Variants in PCED1B observed in about 807,000 individuals in gnomAD.
PCED1B encodes PC-esterase domain containing 1B.
For missense variants in PCED1B, 573 were observed against 573.9 expected, an observed-to-expected ratio of 1.00 and a Z score of 0.02; for synonymous variants, 251 against 246.1, an observed-to-expected ratio of 1.02 and a Z score of -0.19.
At chr12:47,143,868 A>T (rs894685854) in intron 2 of PCED1B, among the ~76,000 whole-genome samples, 1 of 152,222 alleles carries the variant, frequency 6.6e-6, no homozygotes, top group African/African-American at 2.4e-5. Flanking sequence ...AGACACATAG[A>T]TAAACAAAAC....
chr12:47,178,457 G>A (rs1941993628), intron 2 of PCED1B, among the ~76,000 whole-genome samples: 1 of 152,150 alleles, frequency 6.6e-6, no homozygotes, highest in African/African-American at 2.4e-5. Context: ...AAATTTCATG[G>A]GCTGGTGAGG....
intron 2 of PCED1B, chr12:47,187,953 G>A (rs954218931): frequency 6.5e-6 from 1 of 154,152 alleles, no homozygotes; most frequent in Admixed American, 6.5e-5. Context: ...TCCAAGAACA[G>A]GATTGTAATT....
At chr12:47,115,654 T>G (rs950212417) in intron 2 of PCED1B, among the ~76,000 whole-genome samples, 1 of 152,222 alleles carries the variant, frequency 6.6e-6, no homozygotes, top group African/African-American at 2.4e-5. Context: ...AAAGGTGATA[T>G]GTAGTCTCCT....
chr12:47,113,332 T>C (rs1387239995), intron 2 of PCED1B, among the ~76,000 whole-genome samples: 2 of 152,198 alleles, frequency 1.3e-5, no homozygotes, highest in African/African-American at 2.4e-5. Context: ...CTTGAACATA[T>C]ACTATGTATC....
intron 3 of PCED1B, among the ~76,000 whole-genome samples, chr12:47,224,654 A>G (rs1382628340): frequency 1.3e-5 from 2 of 152,182 alleles, no homozygotes; most frequent in African/African-American, 4.8e-5. Flanking sequence ...AGATGTGTTT[A>G]AAGACTACCT....
intron 3 of PCED1B, among the ~76,000 whole-genome samples, chr12:47,227,405 C>T (rs936924988): frequency 6.6e-6 from 1 of 151,860 alleles, no homozygotes; most frequent in Admixed American, 6.6e-5. Flanking sequence ...ACTCCTGACC[C>T]CAGGTGATCC....
intron 2 of PCED1B, among the ~76,000 whole-genome samples, chr12:47,201,076 C>T (rs768125843): frequency 5.3e-5 from 8 of 152,156 alleles, no homozygotes; most frequent in South Asian, 2.1e-4. Context: ...AGACGGCTAA[C>T]GCTCCAAATT....
At chr12:47,135,881 G>A (rs1940341579) in intron 2 of PCED1B, 1 of 364,352 alleles carries the variant, frequency 2.7e-6, no homozygotes, top group Admixed American at 2.8e-5. Context: ...GAGTGAAGAG[G>A]GTTTGGACAG....
intron 1 of PCED1B, among the ~76,000 whole-genome samples, chr12:47,103,788 A>G (rs371627296): frequency 3.8e-4 from 58 of 152,304 alleles, no homozygotes; most frequent in African/African-American, 1.3e-3. Context: ...TCAAAGCCGT[A>G]AGACATCAGG....
At chr12:47,124,027 G>A (rs1939785859) in intron 2 of PCED1B, among the ~76,000 whole-genome samples, 1 of 151,972 alleles carries the variant, frequency 6.6e-6, no homozygotes, top group Non-Finnish European at 1.5e-5. Flanking sequence ...CTTCATTGAT[G>A]TATAATTGAC....
intron 2 of PCED1B, chr12:47,135,440 A>G: frequency 3.1e-6 from 1 of 321,358 alleles, no homozygotes; most frequent in Non-Finnish European, 6.3e-6. Context: ...AGTGCATGGG[A>G]GACAGGTTGT....
In PCED1B at chr12:47,090,988, T is replaced by G. The variant is rs542400253; in HGVS notation, c.-609+11263T>G. On this transcript the variant is annotated intron_variant, in intron 1 of 3. Coordinates refer to ENST00000546455, the MANE Select transcript of PCED1B (RefSeq NM_138371.3). Reference sequence around the variant, plus strand: ...AAGTACTGTTGCCATGAACATTCTGTTCCCCCAAATTCCCCCCGATTCTAA... The same window carrying G: ...AAGTACTGTTGCCATGAACATTCTGGTCCCCCAAATTCCCCCCGATTCTAA... Among the ~76,000 whole-genome samples, 7 of 152,200 alleles carry G rather than the reference T, an allele frequency of 4.6e-5. No homozygotes were observed. In the East Asian group the frequency reaches 9.7e-4, roughly 21 times the overall value.
intron 1 of PCED1B, among the ~76,000 whole-genome samples, chr12:47,102,129 C>A (rs1042052854): frequency 6.6e-6 from 1 of 152,182 alleles, no homozygotes; most frequent in South Asian, 2.1e-4. Flanking sequence ...TCATCAACTA[C>A]CTGTTCATTA....
intron 2 of PCED1B, among the ~76,000 whole-genome samples, chr12:47,115,924 T>A (rs953814316): frequency 1.3e-5 from 2 of 152,234 alleles, no homozygotes; most frequent in Non-Finnish European, 2.9e-5. Flanking sequence ...AAGGGCACTT[T>A]AGCTTTTACT....
intron 2 of PCED1B, among the ~76,000 whole-genome samples, chr12:47,207,609 C>G (rs540498141): frequency 6.6e-6 from 1 of 152,332 alleles, no homozygotes; most frequent in East Asian, 1.9e-4. Context: ...CCCTTCCTTC[C>G]TCTTTGCTTT....
At chr12:47,127,289 T>C (rs899173691) in intron 2 of PCED1B, among the ~76,000 whole-genome samples, 7 of 152,154 alleles carry the variant, frequency 4.6e-5, no homozygotes, top group Non-Finnish European at 1.5e-5. Flanking sequence ...ATTTCTTCTA[T>C]TACCCAGGGG....
intron 2 of PCED1B, among the ~76,000 whole-genome samples, chr12:47,120,845 C>T (rs1315176892): frequency 2.0e-5 from 3 of 151,924 alleles, no homozygotes; most frequent in South Asian, 2.1e-4. Flanking sequence ...CATGCTACAA[C>T]GTGGATGAAG....
intron 2 of PCED1B, among the ~76,000 whole-genome samples, chr12:47,188,530 G>T (rs1229059994): frequency 6.6e-6 from 1 of 152,190 alleles, no homozygotes; most frequent in Non-Finnish European, 1.5e-5. Flanking sequence ...AAATTGAAAG[G>T]ATTTGAGCCA....
intron 2 of PCED1B, among the ~76,000 whole-genome samples, chr12:47,140,734 C>CA (rs1277398245): frequency 2.6e-5 from 4 of 151,650 alleles, no homozygotes; most frequent in Non-Finnish European, 5.9e-5. Flanking sequence ...TGGCTGCATG[C>CA]AAAAAAAGAA....
Sources: gnomAD v4.1 joint callset for allele counts (sites outside exome capture counted in the v4.1 genomes callset) on GRCh38, gnomAD v4.1.1 for gene constraint, MANE v1.5 for transcripts, NCBI Gene and HGNC (gene_info 2026-07-23, HGNC 2026-07-21) for gene names.